RNF141: variants seen among roughly 807,000 people sequenced by gnomAD.
RNF141 encodes the protein ring finger protein 141.
RNF141 carries 18 observed loss-of-function variants against 27.4 expected under a neutral mutation model. The ratio of observed to expected loss-of-function variants is 0.66; its 90% CI spans 0.45 to 0.97. The LOEUF is 0.97. Ranked by LOEUF, RNF141 falls within the 50% of genes least tolerant of loss-of-function variation. The pLI is 0.00. For missense variants in RNF141, 230 were observed against 279.4 expected (o/e 0.82, Z 1.26); for synonymous variants, 97 against 96.6 (o/e 1.00, Z -0.02).
chr11:10,517,298 A>G (rs1240962190), intron 5 of RNF141: 4 of 152,138 alleles, frequency 2.6e-5, no homozygotes, highest in African/African-American at 7.2e-5. Context: ...ATATGAAAAG[A>G]GATAGCAATA....
rs780722462 is a variant in RNF141 at position 10,530,682 on chromosome 11, A to G, written c.213T>C (p.Ser71=). The G allele has an allele frequency of 2.1e-5, 34 of 1,611,822 alleles. No homozygotes were observed. In the South Asian group the frequency reaches 3.2e-4, roughly 15 times the overall value. The change falls in exon 3 of 6, where the codon TCT becomes TCC. Residue 71 remains serine (S), a synonymous_variant. Coordinates refer to ENST00000265981, the MANE Select transcript of RNF141 (RefSeq NM_016422.4). ...CCCGTACAACCACTTTCCAAAAAGC[A>G]GAGGAATCAGACCCAGGTTGTACCT... is the stretch of plus-strand genomic sequence containing the variant. The part of the protein sequence containing the change: ...LFEVQPGSDS[S]AFWKVVVRVV...
chr11:10,534,091 T>A lies in RNF141; in HGVS notation c.68A>T (p.His23Leu). 6.2e-7 allele frequency: 1 copy of A among 1,613,732 alleles called. No individual in the cohort carries two copies. Among genetic ancestry groups the A allele is most frequent in the Non-Finnish European group, 8.5e-7 (1 of 1,179,690 alleles). Residue 23 changes from histidine to leucine, a missense_variant, in exon 2 of 6, where the codon CAT becomes CTT. By Grantham distance (99) the His-to-Leu change is moderately conservative. Transcript: ENST00000265981. The stretch of plus-strand genomic sequence containing the variant: ...GCCACTCTCTCGAACCAACGTAACA[T>A]GTTTTGCTACTTTTTCTGGTAACTT... ...INKLPEKVAK[H>L]VTLVRESGSL...
chr11:10,540,929 G>A (rs1850095638), intron 1 of RNF141, 193 bp downstream of exon 1: 1 of 152,308 alleles, frequency 6.6e-6, no homozygotes, highest in African/African-American at 2.4e-5. Context: ...CAGAAGACGG[G>A]CGTCAATAGA....
At position 10,512,180 on chromosome 11, in the gene RNF141, A is replaced by G. The variant is rs1277814764; in HGVS notation, c.*2736T>C. The G allele has an allele frequency of 6.6e-6, 1 of 152,670 alleles. No homozygotes were observed. Among genetic ancestry groups the G allele is most frequent in the Non-Finnish European group, 1.5e-5 (1 of 68,040 alleles). The allele number at this position is 152,670 out of a possible 1,614,324, so 9.5% of individuals were successfully genotyped here. Reference sequence around the variant, plus strand: ...TTATATTTCCTATCATAGTAAGTACATTTAAGTACTTCATATTTAAAAAAG... The same window carrying G: ...TTATATTTCCTATCATAGTAAGTACGTTTAAGTACTTCATATTTAAAAAAG... On this transcript the variant is annotated 3_prime_UTR_variant, in exon 6 of 6. Transcript: ENST00000265981.
At chr11:10,524,720 G>A (rs953916819) in intron 4 of RNF141, among the ~76,000 whole-genome samples, 4 of 152,136 alleles carry the variant, frequency 2.6e-5, no homozygotes, top group Non-Finnish European at 5.9e-5. Context: ...TTTCCTTCTG[G>A]TAACTAAGTA....
At chr11:10,539,094 A>C (rs1850062413) in intron 1 of RNF141, among the ~76,000 whole-genome samples, 1 of 152,224 alleles carries the variant, frequency 6.6e-6, no homozygotes, top group African/African-American at 2.4e-5. Context: ...AATGCACAAG[A>C]TCAAGGATTC....
chr11:10,525,739 T>G (rs1849927553), intron 3 of RNF141, among the ~76,000 whole-genome samples: 1 of 152,210 alleles, frequency 6.6e-6, no homozygotes, highest in African/African-American at 2.4e-5. Flanking sequence ...CAGGATTCAT[T>G]TGACTCCAAC....
chr11:10,531,102 G>A (rs1163550764), intron 2 of RNF141, among the ~76,000 whole-genome samples: 1 of 152,052 alleles, frequency 6.6e-6, no homozygotes, highest in Non-Finnish European at 1.5e-5. Flanking sequence ...GGTTGGCCAG[G>A]GCAGTGGCTC....
At chr11:10,532,127 T>C in intron 2 of RNF141, 1 of 293,474 alleles carries the variant, frequency 3.4e-6, no homozygotes, top group East Asian at 1.2e-4. Context: ...GGGCAAAACT[T>C]CATACAATAG....
chr11:10,519,502 A>C (rs953595772), intron 4 of RNF141, among the ~76,000 whole-genome samples: 1 of 152,238 alleles, frequency 6.6e-6, no homozygotes, highest in African/African-American at 2.4e-5. Flanking sequence ...CATTAAAGAC[A>C]GAGATACGGT....
At position 10,516,855 on chromosome 11, in the gene RNF141, C is replaced by A. The variant is rs568082992; in HGVS notation, c.543-1789G>T. 4 of 151,916 alleles carry A rather than the reference C, an allele frequency of 2.6e-5. No homozygotes were observed. The South Asian group carries it at 8.4e-4, about 32-fold the overall frequency. 9.4% of individuals were successfully genotyped at this position (151,916 alleles called of 1,614,324 possible). A position where few individuals can be genotyped will look rare whatever the true frequency, so the allele number is the denominator to read the frequency against. ...CCTAACAAATCACAAAAGCAAGATC[C>A]AAAAGAATCAAACTGTTTCCAAGTC... On this transcript the variant is annotated intron_variant, in intron 5 of 5. Transcript: ENST00000265981.
At chr11:10,532,537 AC>A (rs202174143) in intron 2 of RNF141, among the ~76,000 whole-genome samples, 2 of 94,986 alleles carry the variant, frequency 2.1e-5, no homozygotes, top group Admixed American at 2.0e-4. Context: ...ACACACACAC[AC>A]CCCACAACTA....
At chr11:10,535,033 T>C (rs1338188559) in intron 1 of RNF141, among the ~76,000 whole-genome samples, 1 of 151,670 alleles carries the variant, frequency 6.6e-6, no homozygotes, top group Non-Finnish European at 1.5e-5. Flanking sequence ...AATTATCAAG[T>C]TTTTAAATGC....
intron 4 of RNF141, among the ~76,000 whole-genome samples, chr11:10,524,669 G>A (rs767061275): frequency 9.1e-4 from 138 of 152,198 alleles, no homozygotes; most frequent in Non-Finnish European, 1.8e-3. Flanking sequence ...TATTAGGCCT[G>A]GGTAAACAAA....
rs1189657248 is a variant in RNF141, at chr11:10,514,731, A to G, written c.*185T>C. On this transcript the variant is annotated 3_prime_UTR_variant, in exon 6 of 6. Transcript: ENST00000265981. ...ATGGTCTAAAACAGTAGCAAATTTT[A>G]GTACCACAAATGGAAGACATGGGAA... The G allele has an allele frequency of 3.9e-6, 2 of 516,988 alleles. No individual in the cohort carries two copies. The highest frequency in any genetic ancestry group is 3.3e-5 in the East Asian group (1 of 30,184). 32.0% of individuals were successfully genotyped at this position (516,988 alleles called of 1,614,324 possible).
intron 1 of RNF141, among the ~76,000 whole-genome samples, chr11:10,539,701 A>ATATATAT (rs10524171): frequency 0.026 from 805 of 31,466 alleles, 185 homozygotes; most frequent in Middle Eastern, 0.21. Flanking sequence ...CATATATATT[A>ATATATAT]GAGAGAGAAG....
intron 3 of RNF141, among the ~76,000 whole-genome samples, chr11:10,526,004 A>C (rs375915889): frequency 3.6e-4 from 55 of 152,284 alleles, no homozygotes; most frequent in Middle Eastern, 3.4e-3. Context: ...TCTAATGTAG[A>C]AGATACTTGG....
At chr11:10,519,962 C>T (rs538048209) in intron 4 of RNF141, among the ~76,000 whole-genome samples, 38 of 152,176 alleles carry the variant, frequency 2.5e-4, no homozygotes, top group Middle Eastern at 3.4e-3. Context: ...CTAACACTAA[C>T]AATATCTGAT....
At chr11:10,536,403 T>C (rs10840436) in intron 1 of RNF141, among the ~76,000 whole-genome samples, 68,915 of 151,858 alleles carry the variant, frequency 0.45, 16,854 homozygotes, top group East Asian at 0.68. Flanking sequence ...AACATTTTTG[T>C]TGATGACCTG....
Sources: gnomAD v4.1 joint callset for allele counts (sites outside exome capture counted in the v4.1 genomes callset) on GRCh38, gnomAD v4.1.1 for gene constraint, MANE v1.5 for transcripts, NCBI Gene and HGNC (gene_info 2026-07-23, HGNC 2026-07-21) for gene names.